The following PRDM7 variants were observed in gnomAD, a reference collection of about 807,000 sequenced individuals.
PRDM7 encodes histone-lysine N-methyltransferase PRDM7.
A neutral mutation model predicts 64.3 loss-of-function variants in PRDM7; 52 were observed. That is an observed-to-expected ratio of 0.81 (90% CI 0.65 to 1.02). PRDM7 has a LOEUF of 1.02. PRDM7 is among the 50% of genes least tolerant of loss of function. The probability of loss-of-function intolerance (pLI) is 0.00; values close to 1 mark genes in which losing one functional copy is unlikely to be tolerated. For synonymous variants in PRDM7, 192 were observed against 210.1 expected, an observed-to-expected ratio of 0.91 and a Z score of 0.74; for missense variants, 574 against 597.1, an observed-to-expected ratio of 0.96 and a Z score of 0.40.
rs548233806 is a variant in PRDM7 at position 90,072,633 on chromosome 16, T to A, written c.301+2283A>T. On this transcript the variant is annotated intron_variant, in intron 4 of 10. Transcript: ENST00000449207. ...GGGTTAGGGTTTTAGTCATGCAAGA[T>A]AAAGAGTTCTAGGGATCTATTGCAC... Among the ~76,000 whole-genome samples the A allele has an allele frequency of 3.5e-4, 54 of 152,362 alleles. 2 individuals are homozygous for A. In the South Asian group the frequency reaches 0.011, roughly 30 times the overall value.
chr16:90,063,562 C>T, intron 6 of PRDM7, 50 bp downstream of exon 6: 1 of 1,599,466 alleles, frequency 6.3e-7, no homozygotes, highest in Non-Finnish European at 8.6e-7. Flanking sequence ...TACTCACCAA[C>T]CTTTCTAGAG....
At chr16:90,065,778 T>C (rs1027960468) in intron 5 of PRDM7, among the ~76,000 whole-genome samples, 5 of 151,360 alleles carry the variant, frequency 3.3e-5, no homozygotes, top group Admixed American at 2.0e-4. Flanking sequence ...ACGAAAATTA[T>C]CTCATAGTCC....
Position 90,075,598 on chromosome 16 carries a change from T to A in PRDM7, c.70-124A>T. 1 of 1,499,266 alleles carries A rather than the reference T, an allele frequency of 6.7e-7. No individual in the cohort carries two copies. Among genetic ancestry groups the A allele is most frequent in the Non-Finnish European group, 9.3e-7 (1 of 1,079,578 alleles). 92.9% of individuals were successfully genotyped at this position (1,499,266 alleles called of 1,614,324 possible). A position where few individuals can be genotyped will look rare whatever the true frequency, so the allele number is the denominator to read the frequency against. On this transcript the variant is annotated intron_variant, in intron 2 of 10. Coordinates refer to ENST00000449207, the MANE Select transcript of PRDM7 (RefSeq NM_001098173.2). The surrounding 1 kb of genome is among the most constrained non-coding windows in gnomAD (Gnocchi z 4.3). ...GAGTCTCTGTGAAACATAAAGACCT[T>A]CCCTCCTTCTCCAGATTGTGTCCTG... is the stretch of plus-strand genomic sequence containing the variant.
Position 90,062,519 on chromosome 16 carries a change from T to C in PRDM7, c.509-17A>G. Reference sequence around the variant, plus strand: ...TCCTGAGTTCTAGGTTGGAGAAGAGTAGATGGGTAAAATTGGGAGTCTGGG... The same window carrying C: ...TCCTGAGTTCTAGGTTGGAGAAGAGCAGATGGGTAAAATTGGGAGTCTGGG... On this transcript the variant is annotated splice_polypyrimidine_tract_variant and intron_variant, in intron 6 of 10. Coordinates refer to ENST00000449207, the MANE Select transcript of PRDM7 (RefSeq NM_001098173.2). The C allele has an allele frequency of 6.3e-7, 1 of 1,591,588 alleles. No homozygotes were observed. Among genetic ancestry groups the C allele is most frequent in the Non-Finnish European group, 8.6e-7 (1 of 1,159,740 alleles).
At chr16:90,064,875 T>C (rs565043830) in intron 5 of PRDM7, among the ~76,000 whole-genome samples, 85 of 150,386 alleles carry the variant, frequency 5.7e-4, no homozygotes, top group Non-Finnish European at 8.3e-4. Flanking sequence ...TCCACCACCA[T>C]GCCCAGCTGA....
rs750647488 is a variant in PRDM7, at chr16:90,075,064, T to C, written c.194-41A>G. On this transcript the variant is annotated intron_variant, in intron 3 of 10. Transcript: ENST00000449207. The surrounding 1 kb of genome is among the most constrained non-coding windows in gnomAD (Gnocchi z 4.3). ...AAATTTTGCTCTGAAACGGAAGAGC[T>C]GGGATGAGGAACAAAGGGCAGTGGC... 2.5e-6 allele frequency: 4 copies of C among 1,606,998 alleles called. No individual in the cohort carries two copies. Among genetic ancestry groups the C allele is most frequent in the Non-Finnish European group, 3.4e-6 (4 of 1,173,716 alleles).
intron 10 of PRDM7, among the ~76,000 whole-genome samples, chr16:90,059,923 G>A (rs768931647): frequency 6.6e-5 from 10 of 152,144 alleles, no homozygotes; most frequent in African/African-American, 2.2e-4. Context: ...CTGCAACATC[G>A]TCTGGCACAG....
In PRDM7 at chr16:90,061,437, AC is replaced by A; in HGVS notation, c.950+14del. ...TGGAGGTTCTCTCTGAAACTAAGAGACCTAGTGGCCTTACCTCATCCAGTTG... is the reference window on the plus strand; with the variant it reads ...TGGAGGTTCTCTCTGAAACTAAGAGACTAGTGGCCTTACCTCATCCAGTTG... On this transcript the variant is annotated intron_variant, in intron 9 of 10. Transcript: ENST00000449207. 6.4e-7 allele frequency: 1 copy of A among 1,570,620 alleles called. No individual in the cohort carries two copies. Among genetic ancestry groups the A allele is most frequent in the Non-Finnish European group, 8.8e-7 (1 of 1,140,428 alleles).
intron 4 of PRDM7, among the ~76,000 whole-genome samples, chr16:90,068,561 G>A (rs2037912793): frequency 6.7e-6 from 1 of 150,180 alleles, no homozygotes; most frequent in Admixed American, 6.6e-5. Context: ...CATGAACCTT[G>A]GAAGTGGAGC....
chr16:90,062,804 C>T (rs2037805198), intron 6 of PRDM7, among the ~76,000 whole-genome samples: 1 of 152,090 alleles, frequency 6.6e-6, no homozygotes, highest in Non-Finnish European at 1.5e-5. Flanking sequence ...TTCATTACAT[C>T]TTAGGCATTG....
At chr16:90,063,840 T>G in intron 5 of PRDM7, 72 bp from the exon 6 acceptor site, 1 of 1,545,918 alleles carries the variant, frequency 6.5e-7, no homozygotes, top group Non-Finnish European at 8.8e-7. Context: ...CAACATGTTT[T>G]CATATGACTG....
chr16:90,064,571 AC>A (rs1156546780), intron 5 of PRDM7, among the ~76,000 whole-genome samples: 2 of 150,446 alleles, frequency 1.3e-5, no homozygotes, highest in African/African-American at 4.9e-5. Flanking sequence ...GTGCCACCAC[AC>A]CCAGCTAATT....
chr16:90,062,516 G>C lies in PRDM7; in HGVS notation c.509-14C>G, dbSNP rs2151306953. 4 of 1,593,280 alleles carry C rather than the reference G, an allele frequency of 2.5e-6. No individual in the cohort carries two copies. The highest frequency in any genetic ancestry group is 3.4e-6 in the Non-Finnish European group (4 of 1,161,076). ...TCCTCCTGAGTTCTAGGTTGGAGAA[G>C]AGTAGATGGGTAAAATTGGGAGTCT... On this transcript the variant is annotated splice_polypyrimidine_tract_variant and intron_variant, in intron 6 of 10. Coordinates refer to ENST00000449207, the MANE Select transcript of PRDM7 (RefSeq NM_001098173.2).
Position 90,075,266 on chromosome 16 carries a change from C to T in PRDM7, c.193+85G>A, listed in dbSNP as rs768256403. 1.3e-5 allele frequency: 21 copies of T among 1,603,656 alleles called. No individual in the cohort carries two copies. The highest frequency in any genetic ancestry group is 4.0e-5 in the African/African-American group (3 of 74,500). On this transcript the variant is annotated intron_variant, in intron 3 of 10. Coordinates refer to ENST00000449207, the MANE Select transcript of PRDM7 (RefSeq NM_001098173.2). The surrounding 1 kb of genome is among the most constrained non-coding windows in gnomAD (Gnocchi z 4.3). ...GCAAAAGGGAATTGTGGGCAGATGC[C>T]GCCACCTGATAATTAAAATAATATA...
chr16:90,069,087 T>A (rs2037920854), intron 4 of PRDM7, among the ~76,000 whole-genome samples: 1 of 151,288 alleles, frequency 6.6e-6, no homozygotes, highest in Admixed American at 6.6e-5. Flanking sequence ...GTTGAAGGCC[T>A]CACACTTCCT....
At position 90,060,427 on chromosome 16, in the gene PRDM7, A is replaced by T. The variant is rs749132264; in HGVS notation, c.1147T>A (p.Cys383Ser). ...ATACTCATCCCCATACCAGACCAGC[A>T]GTTCACAGCCTGGCCTAATGACTCG... Reference protein sequence around the residue: ...PAESLGQAVNCWSGMGMSMAR... With the variant: ...PAESLGQAVNSWSGMGMSMAR... Residue 383 changes from cysteine (C) to serine (S), a missense_variant, in exon 10 of 11, where the codon TGC (cysteine) becomes AGC (serine). Transcript: ENST00000449207. The T allele has an allele frequency of 6.2e-7, 1 of 1,613,644 alleles. No homozygotes were observed. The highest frequency in any genetic ancestry group is 1.1e-5 in the South Asian group (1 of 91,062).
In PRDM7 at chr16:90,060,500, C is replaced by T. The variant is rs753521349; in HGVS notation, c.1074G>A (p.Gly358=). The change falls in exon 10 of 11, where the codon GGG becomes GGA. Residue 358 remains glycine, a synonymous_variant. Transcript: ENST00000449207. ...RPGCELLVWS[G]DEYGQELGIR... ...TGCCCAGTTCCTGGCCATACTCATC[C>T]CCAGACCAGACCAGCAGTTCACAGC... 1.2e-6 allele frequency: 2 copies of T among 1,613,550 alleles called. No individual in the cohort carries two copies. The highest frequency in any genetic ancestry group is 2.7e-5 in the African/African-American group (2 of 74,748).
chr16:90,058,320 A>G lies in PRDM7; in HGVS notation c.1448T>C (p.Val483Ala). The change falls in exon 11 of 11, where the codon GTC (valine) becomes GCC (alanine). Residue 483 changes from valine (V) to alanine (A), a missense_variant. Transcript: ENST00000449207. ...IHAAVMTKPK[V>A]KRSKKGPNS Reference sequence around the variant, plus strand: ...GTTTGGACCTTTCTTTGATCTCTTGACCTTTGGTTTTGTCATTACAGCAGC... The same window carrying G: ...GTTTGGACCTTTCTTTGATCTCTTGGCCTTTGGTTTTGTCATTACAGCAGC... 1 of 1,613,794 alleles carries G rather than the reference A, an allele frequency of 6.2e-7. No homozygotes were observed. The highest frequency in any genetic ancestry group is 1.3e-5 in the African/African-American group (1 of 74,886).
Position 90,062,387 on chromosome 16 carries a change from A to G in PRDM7, c.610+14T>C. ...TAACAGCAAGCTGTGTGAGTGGCTG[A>G]AAGGGTCACTCACAGAGGTAGTCAT... On this transcript the variant is annotated intron_variant, in intron 7 of 10. Transcript: ENST00000449207. 6.2e-7 allele frequency: 1 copy of G among 1,613,428 alleles called. No individual in the cohort carries two copies. Among genetic ancestry groups the G allele is most frequent in the South Asian group, 1.1e-5 (1 of 91,070 alleles).
Sources: allele counts gnomAD v4.1 joint callset (sites outside exome capture counted in the v4.1 genomes callset), GRCh38; gene constraint gnomAD v4.1.1; non-coding constraint Gnocchi (gnomAD v3.1); transcripts MANE v1.5; gene names NCBI Gene and HGNC (gene_info 2026-07-23, HGNC 2026-07-21).